MYO3B: variants seen among roughly 807,000 people sequenced by gnomAD.
The protein encoded by MYO3B is myosin IIIB, also known as myosin-IIIb.
A neutral mutation model predicts 174.6 loss-of-function variants in MYO3B; 156 were observed. The ratio of observed to expected loss-of-function variants is 0.89; its 90% CI spans 0.78 to 1.02. The LOEUF (loss-of-function observed/expected upper bound fraction) is 1.02, where lower values mean the gene tolerates loss of function less well. Ranked by LOEUF, MYO3B falls within the 50% of genes least tolerant of loss-of-function variation. MYO3B has a pLI of 0.00. For synonymous variants in MYO3B, 563 were observed against 569.1 expected (o/e 0.99, Z 0.15); for missense variants, 1,632 against 1,639.4 (o/e 1.00, Z 0.08).
intron 30 of MYO3B, among the ~76,000 whole-genome samples, chr2:170,529,776 G>A (rs901740952): frequency 6.6e-6 from 1 of 152,126 alleles, no homozygotes; most frequent in Non-Finnish European, 1.5e-5. Flanking sequence ...ACAAAATTTT[G>A]TAAAAATGAA....
At chr2:170,329,616 A>G (rs1246671615) in intron 7 of MYO3B, among the ~76,000 whole-genome samples, 1 of 149,874 alleles carries the variant, frequency 6.7e-6, no homozygotes, top group African/African-American at 2.5e-5. Context: ...CTGGTCTCGA[A>G]CTCCTGACCT....
At chr2:170,467,224 A>C (rs1684699503) in intron 25 of MYO3B, among the ~76,000 whole-genome samples, 1 of 152,168 alleles carries the variant, frequency 6.6e-6, no homozygotes, top group Non-Finnish European at 1.5e-5. Flanking sequence ...ATTTTACAAA[A>C]CGTAAAGGTG....
intron 7 of MYO3B, among the ~76,000 whole-genome samples, chr2:170,263,972 C>A (rs1020258707): frequency 2.0e-5 from 3 of 152,156 alleles, no homozygotes; most frequent in African/African-American, 7.2e-5. Context: ...AGGCAGAGAT[C>A]CCTGTGGCCT....
At chr2:170,403,124 C>A in intron 19 of MYO3B, 129 bp downstream of exon 19, 1 of 852,168 alleles carries the variant, frequency 1.2e-6, no homozygotes. Context: ...GTAAGGCAGT[C>A]CTGGCTAAAT....
At chr2:170,556,872 G>A (rs1021450502) in intron 32 of MYO3B, among the ~76,000 whole-genome samples, 1 of 152,122 alleles carries the variant, frequency 6.6e-6, no homozygotes, top group Non-Finnish European at 1.5e-5. Flanking sequence ...ATTTTAATTT[G>A]CAATTCACTG....
chr2:170,427,296 C>T (rs1489174369), intron 22 of MYO3B, among the ~76,000 whole-genome samples: 2 of 152,108 alleles, frequency 1.3e-5, no homozygotes, highest in Non-Finnish European at 2.9e-5. Context: ...GTAATTGCAT[C>T]GCAAGTCTGT....
intron 22 of MYO3B, among the ~76,000 whole-genome samples, chr2:170,433,369 G>C (rs1054084587): frequency 1.1e-4 from 16 of 152,350 alleles, no homozygotes; most frequent in African/African-American, 3.4e-4. Flanking sequence ...AGTGCATTCA[G>C]TGAGGGAAGG....
intron 32 of MYO3B, among the ~76,000 whole-genome samples, chr2:170,636,687 T>C (rs1484367636): frequency 6.6e-6 from 1 of 152,182 alleles, no homozygotes; most frequent in Non-Finnish European, 1.5e-5. Context: ...CCATCATGGA[T>C]GTCCAAGATC....
intron 32 of MYO3B, among the ~76,000 whole-genome samples, chr2:170,636,396 ATTTCT>A (rs1470683565): frequency 1.4e-5 from 2 of 144,838 alleles, no homozygotes; most frequent in Middle Eastern, 3.5e-3. Context: ...ATCTCCATGA[ATTTCT>A]TTTTTTTTTT....
At chr2:170,622,862 G>C (rs1696058442) in intron 32 of MYO3B, among the ~76,000 whole-genome samples, 2 of 151,830 alleles carry the variant, frequency 1.3e-5, no homozygotes, top group African/African-American at 4.8e-5. Context: ...TCAGAATGAT[G>C]GTTTCCAGCT....
chr2:170,487,201 C>T (rs533621340), intron 25 of MYO3B, among the ~76,000 whole-genome samples: 10 of 152,324 alleles, frequency 6.6e-5, no homozygotes, highest in South Asian at 2.1e-4. Flanking sequence ...GTTTCTCATA[C>T]GACATGGCTT....
At chr2:170,179,339 G>A (rs888660053) in intron 1 of MYO3B, among the ~76,000 whole-genome samples, 1 of 152,184 alleles carries the variant, frequency 6.6e-6, no homozygotes, top group Non-Finnish European at 1.5e-5. Context: ...GCCCTATCTA[G>A]CAGCATCCAG....
intron 6 of MYO3B, among the ~76,000 whole-genome samples, chr2:170,230,336 ATTTTT>A (rs60171555): frequency 4.6e-5 from 3 of 64,706 alleles, no homozygotes; most frequent in Non-Finnish European, 5.1e-5. Flanking sequence ...CGCCTGGCTA[ATTTTT>A]TTTTTTTTTT....
chr2:170,472,242 T>C (rs1321391735), intron 25 of MYO3B, among the ~76,000 whole-genome samples: 1 of 152,186 alleles, frequency 6.6e-6, no homozygotes. Flanking sequence ...CAGGCCCCCA[T>C]GGGGTGAGCT....
intron 7 of MYO3B, among the ~76,000 whole-genome samples, chr2:170,313,141 T>C (rs1287004349): frequency 1.3e-5 from 2 of 152,234 alleles, no homozygotes; most frequent in African/African-American, 4.8e-5. Context: ...AATAAAATAT[T>C]GCACTGTTTG....
chr2:170,494,903 A>G (rs1686755667), intron 25 of MYO3B, among the ~76,000 whole-genome samples: 1 of 152,130 alleles, frequency 6.6e-6, no homozygotes, highest in Non-Finnish European at 1.5e-5. Context: ...CTCCCTACCC[A>G]AGATAATAGT....
At position 170,206,527 on chromosome 2, in the gene MYO3B, C is replaced by A. The variant is rs186638212; in HGVS notation, c.321+6243C>A. Among the ~76,000 whole-genome samples, 9 of 152,306 alleles carry A rather than the reference C, an allele frequency of 5.9e-5. No homozygotes were observed. Among genetic ancestry groups the A allele is most frequent in the Admixed American group, 1.3e-4 (2 of 15,306 alleles). On this transcript the variant is annotated intron_variant, in intron 3 of 34. Coordinates refer to ENST00000408978, the MANE Select transcript of MYO3B (RefSeq NM_138995.5). This position sits in a 1 kb window ranked among gnomAD's most constrained non-coding sequence, Gnocchi z 4.3. ...GGTGCCTTTCTTCTCAATAACTGAA[C>A]TAAACTGGGTTCTTGAGCCCCCAGC...
intron 32 of MYO3B, among the ~76,000 whole-genome samples, chr2:170,625,168 A>T (rs143626624): frequency 0.075 from 11,411 of 152,274 alleles, 1,463 homozygotes; most frequent in African/African-American, 0.26. Flanking sequence ...TACCTCTGGT[A>T]GAATTTGGCT....
Position 170,404,282 on chromosome 2 carries a change from C to T in MYO3B, c.2313C>T (p.Pro771=), listed in dbSNP as rs924000774. 1.1e-5 allele frequency: 18 copies of T among 1,612,818 alleles called. 1 individual carries two copies. Among genetic ancestry groups the T allele is most frequent in the Middle Eastern group, 1.6e-4 (1 of 6,080 alleles). ...AGAATGAAGGCATTGATGCTGTACC[C>T]GTGGAATATGAGGACAACCGCCCGC... ...EYQNEGIDAV[P]VEYEDNRPLL... The change falls in exon 20 of 35, where the codon CCC becomes CCT. Residue 771 remains proline (P), a synonymous_variant. Transcript: ENST00000408978.
Sources: allele counts gnomAD v4.1 joint callset (sites outside exome capture counted in the v4.1 genomes callset), GRCh38; gene constraint gnomAD v4.1.1; non-coding constraint Gnocchi (gnomAD v3.1); transcripts MANE v1.5; gene names NCBI Gene and HGNC (gene_info 2026-07-23, HGNC 2026-07-21).